ADGRD2: variants seen among roughly 807,000 people sequenced by gnomAD.
ADGRD2 encodes the protein G protein-coupled receptor PGR24.
Under a neutral mutation model 44.4 loss-of-function variants are expected in ADGRD2, and 71 were observed. The ratio of observed to expected loss-of-function variants is 1.60; its 90% CI spans 1.32 to 1.95. The LOEUF is 1.95. Among genes scored for constraint, ADGRD2 ranks in the 30% most tolerant of loss-of-function variants. The probability of loss-of-function intolerance (pLI) is 0.00; values close to 1 mark genes in which losing one functional copy is unlikely to be tolerated. For missense variants in ADGRD2, 1,039 were observed against 512.4 expected (o/e 2.03, Z -9.92); for synonymous variants, 481 against 224.8 (o/e 2.14, Z -10.19).
intron 16 of ADGRD2, among the ~76,000 whole-genome samples, chr9:124,469,998 C>A (rs1185480078): frequency 6.6e-6 from 1 of 152,172 alleles, no homozygotes; most frequent in South Asian, 2.1e-4. Context: ...CCTCTGGGGT[C>A]ACACTCTGGG....
chr9:124,466,249 TATCTC>T lies in ADGRD2; in HGVS notation c.1871-7_1871-3del. The T allele has an allele frequency of 1.6e-6, 1 of 621,166 alleles. No individual in the cohort carries two copies. The highest frequency in any genetic ancestry group is 3.0e-6 in the Non-Finnish European group (1 of 329,232). The allele number at this position is 621,166 out of a possible 1,614,324, so 38.5% of individuals were successfully genotyped here. On this transcript the variant is annotated splice_polypyrimidine_tract_variant and splice_region_variant and intron_variant, in intron 10 of 21. Transcript: ENST00000334810. ...TGGCCCCTCACCCCCTTGTCCACCT[TATCTC>T]AAGAGCCCCCTGTTCCCTCCCCATC...
intron 19 of ADGRD2, 24 bp from the exon 23 acceptor site, chr9:124,476,332 CA>C: frequency 1.5e-6 from 1 of 684,448 alleles, no homozygotes; most frequent in Non-Finnish European, 2.7e-6. Flanking sequence ...CTTCGTCTCT[CA>C]AAAATTTGCC....
chr9:124,454,169 G>T lies in ADGRD2; in HGVS notation c.1022+72G>T, dbSNP rs1831568123. The stretch of plus-strand genomic sequence containing the variant: ...GTGGACCGGAGTAGACTGAGAGGGG[G>T]TGAGCTGCTGGCAAAGTCTGGGAAT... On this transcript the variant is annotated intron_variant, in intron 4 of 21. Coordinates refer to ENST00000334810, the Ensembl canonical transcript of ADGRD2. The surrounding 1 kb of genome is among the most constrained non-coding windows in gnomAD (Gnocchi z 4.5). 2 of 609,942 alleles carry T rather than the reference G, an allele frequency of 3.3e-6. No homozygotes were observed. Among genetic ancestry groups the T allele is most frequent in the Non-Finnish European group, 5.9e-6 (2 of 337,722 alleles). The allele number at this position is 609,942 out of a possible 1,614,324, so 37.8% of individuals were successfully genotyped here. A position where few individuals can be genotyped will look rare whatever the true frequency, so the allele number is the denominator to read the frequency against.
rs535812764 is a variant in ADGRD2, at chr9:124,454,645, T to C, written c.1108+76T>C. The C allele has an allele frequency of 1.5e-6, 1 of 683,606 alleles. No homozygotes were observed. Among genetic ancestry groups the C allele is most frequent in the African/African-American group, 1.8e-5 (1 of 56,908 alleles). 42.3% of individuals were successfully genotyped at this position (683,606 alleles called of 1,614,324 possible). On this transcript the variant is annotated intron_variant, in intron 5 of 21. Coordinates refer to ENST00000334810, the Ensembl canonical transcript of ADGRD2. This position sits in a 1 kb window ranked among gnomAD's most constrained non-coding sequence, Gnocchi z 4.5. ...CGCTGCACCTCAGTTTCCTCCCTTG[T>C]AAAGGGGACACCCACCTGGTGTGTC...
At chr9:124,461,726 GT>G (rs58035133) in intron 10 of ADGRD2, among the ~76,000 whole-genome samples, 104,003 of 147,632 alleles carry the variant, frequency 0.7, 37,108 homozygotes, top group African/African-American at 0.85. Flanking sequence ...TTCCAACTTT[GT>G]TTTTTTTTTT....
intron 10 of ADGRD2, among the ~76,000 whole-genome samples, chr9:124,460,796 A>T (rs1025902609): frequency 2.6e-5 from 4 of 152,062 alleles, no homozygotes; most frequent in African/African-American, 9.7e-5. Context: ...TGGATAAATG[A>T]TTTCTCTTTA....
chr9:124,468,817 C>A (rs550023700), intron 14 of ADGRD2, 145 bp downstream of exon 17: 1 of 608,632 alleles, frequency 1.6e-6, no homozygotes, highest in South Asian at 2.0e-5. Context: ...GAACCCAGCA[C>A]CACCCAGCCA....
chr9:124,469,928 C>T (rs1831914394), intron 16 of ADGRD2, among the ~76,000 whole-genome samples: 1 of 152,182 alleles, frequency 6.6e-6, no homozygotes, highest in African/African-American at 2.4e-5. Context: ...GGGTTAGCTC[C>T]AGAAGTTCAG....
chr9:124,466,371 C>T (rs1454601245), exon 11 of ADGRD2: 2 of 717,502 alleles, frequency 2.8e-6, no homozygotes, highest in East Asian at 2.7e-5. Flanking sequence ...TCTGCAACCA[C>T]AGCACCAGCT....
chr9:124,457,275 C>T (rs1831636853), intron 7 of ADGRD2, among the ~76,000 whole-genome samples, 197 bp from the exon 11 acceptor site: 1 of 152,258 alleles, frequency 6.6e-6, no homozygotes, highest in Non-Finnish European at 1.5e-5. Context: ...GTGACCGCCC[C>T]TCCTTCTCAG....
At chr9:124,476,276 G>T in intron 19 of ADGRD2, 81 bp from the exon 23 acceptor site, 1 of 639,066 alleles carries the variant, frequency 1.6e-6, no homozygotes, top group South Asian at 1.8e-5. Flanking sequence ...ATTTGATCCT[G>T]AGGGCCCCAC....
At chr9:124,468,153 G>A (rs1190644997) in exon 13 of ADGRD2, 1 of 718,556 alleles carries the variant, frequency 1.4e-6, no homozygotes, top group African/African-American at 1.7e-5. Flanking sequence ...TCTGCCGAGG[G>A]CTTCCTCATG....
intron 6 of ADGRD2, among the ~76,000 whole-genome samples, chr9:124,455,805 A>G (rs1291798231): frequency 6.6e-6 from 1 of 152,178 alleles, no homozygotes; most frequent in African/African-American, 2.4e-5. Context: ...AGGCTGTTGG[A>G]AACCTTGTCC....
rs542798006 is a variant in ADGRD2 at position 124,472,256 on chromosome 9, C to T, written c.2758+1642C>T. ...TTCCTCTCTGTCCCAATCTTCATCT[C>T]TGAATCTTCTCTGGTTCTGTCTCTC... On this transcript the variant is annotated intron_variant, in intron 17 of 21. Transcript: ENST00000334810. 3.1e-4 allele frequency among the ~76,000 whole-genome samples: 47 copies of T among 152,320 alleles called. No individual in the cohort carries two copies. In the South Asian group the frequency reaches 8.9e-3, roughly 29 times the overall value.
upstream of ADGRD2, chr9:124,451,698 T>A (rs1167239085): frequency 7.8e-6 from 2 of 257,118 alleles, no homozygotes; most frequent in Admixed American, 5.1e-5. Flanking sequence ...TTCCTCTGCC[T>A]CCTGGTACCT....
exon 1 of ADGRD2, chr9:124,452,127 G>T: frequency 1.4e-6 from 1 of 716,528 alleles, no homozygotes; most frequent in Non-Finnish European, 2.6e-6. Flanking sequence ...CAACTCCCCA[G>T]GTGAATCAAG....
At chr9:124,460,388 A>ATATAT (rs33991643) in intron 10 of ADGRD2, among the ~76,000 whole-genome samples, 72,265 of 144,804 alleles carry the variant, frequency 0.5, 18,600 homozygotes, top group Middle Eastern at 0.66. Context: ...ATATATATAT[A>ATATAT]TTTTTTTTTA....
Position 124,468,252 on chromosome 9 carries a change from T to A in ADGRD2, c.2233+62T>A, listed in dbSNP as rs1482684794. 7 of 715,064 alleles carry A rather than the reference T, an allele frequency of 9.8e-6. No individual in the cohort carries two copies. The Middle Eastern group carries it at 6.9e-4, about 70-fold the overall frequency. 44.3% of individuals were successfully genotyped at this position (715,064 alleles called of 1,614,324 possible). A position where few individuals can be genotyped will look rare whatever the true frequency, so the allele number is the denominator to read the frequency against. On this transcript the variant is annotated intron_variant, in intron 13 of 21. Transcript: ENST00000334810. The stretch of plus-strand genomic sequence containing the variant: ...GCCTGGGAAAGTGCCTGTGGGCTTT[T>A]CTAGGGTGACCCCCTGCCCCCAACT...
exon 8 of ADGRD2, chr9:124,457,544 G>C (rs529747701): frequency 1.5e-6 from 1 of 688,534 alleles, no homozygotes; most frequent in Non-Finnish European, 2.7e-6. Context: ...CCTGGTGGGC[G>C]TCCAGAGGGG....
Sources: allele counts gnomAD v4.1 joint callset (sites outside exome capture counted in the v4.1 genomes callset), GRCh38; gene constraint gnomAD v4.1.1; non-coding constraint Gnocchi (gnomAD v3.1); transcripts MANE v1.5; gene names NCBI Gene and HGNC (gene_info 2026-07-23, HGNC 2026-07-21).